Variants in ECD observed in about 807,000 individuals in gnomAD.
The protein encoded by ECD is ecdysoneless cell cycle regulator.
A neutral mutation model predicts 77.2 loss-of-function variants in ECD; 59 were observed. The observed-to-expected ratio is 0.76, with a 90% confidence interval of 0.62 to 0.95. The LOEUF (loss-of-function observed/expected upper bound fraction) is 0.95, where lower values mean the gene tolerates loss of function less well. ECD is among the 40% of genes least tolerant of loss of function. ECD has a pLI of 0.00. For missense variants in ECD, 704 were observed against 763.4 expected (o/e 0.92, Z 0.92); for synonymous variants, 233 against 267.4 (o/e 0.87, Z 1.26).
rs1842948919 is a variant in ECD at position 73,133,832 on chromosome 10, C to T, written c.*751G>A. 1 of 151,908 alleles carries T rather than the reference C, an allele frequency of 6.6e-6. No homozygotes were observed. The highest frequency in any genetic ancestry group is 6.6e-5 in the Admixed American group (1 of 15,236). The allele number at this position is 151,908 out of a possible 1,614,324, so 9.4% of individuals were successfully genotyped here. On this transcript the variant is annotated 3_prime_UTR_variant, in exon 14 of 14. Transcript: ENST00000372979. ...ATTAATTAATTAAAACAATTAAGTA[C>T]AGTATCAGGTATGAAATATCCAAAA...
chr10:73,133,782 A>G lies in ECD; in HGVS notation c.*801T>C, dbSNP rs1842948324. The G allele has an allele frequency of 6.6e-6, 1 of 152,208 alleles. No homozygotes were observed. Among genetic ancestry groups the G allele is most frequent in the South Asian group, 2.1e-4 (1 of 4,832 alleles). 9.4% of individuals were successfully genotyped at this position (152,208 alleles called of 1,614,324 possible). On this transcript the variant is annotated 3_prime_UTR_variant, in exon 14 of 14. Coordinates refer to ENST00000372979, the MANE Select transcript of ECD (RefSeq NM_007265.3). The stretch of plus-strand genomic sequence containing the variant: ...AACATTTCATCTTAGCAAAAGATAT[A>G]TCAGTTATATTAAATATCAAACCAA...
chr10:73,138,180 G>A, intron 11 of ECD, 110 bp from the exon 12 acceptor site: 1 of 767,586 alleles, frequency 1.3e-6, no homozygotes, highest in Non-Finnish European at 1.9e-6. Context: ...AATTTCTAAG[G>A]AGGCACAGCA....
At chr10:73,147,529 G>A (rs889471178) in intron 8 of ECD, among the ~76,000 whole-genome samples, 5 of 150,406 alleles carry the variant, frequency 3.3e-5, no homozygotes, top group African/African-American at 9.8e-5. Flanking sequence ...CAGCCTAGGC[G>A]ACAAGAGCAA....
chr10:73,134,804 A>C lies in ECD; in HGVS notation c.1714T>G (p.Ser572Ala), dbSNP rs765950499. ...FTTRNQVEPVSQTTDNNSDEE... is the reference protein window; with the variant it reads ...FTTRNQVEPVAQTTDNNSDEE... Reference sequence around the variant, plus strand: ...TCTGAATTGTTATCGGTAGTCTGGGATACAGGTTCCTTATTCATAGAGGGA... The same window carrying C: ...TCTGAATTGTTATCGGTAGTCTGGGCTACAGGTTCCTTATTCATAGAGGGA... Residue 572 changes from serine to alanine, a missense_variant, in exon 14 of 14, where the codon TCC becomes GCC. By Grantham distance (99) the Ser-to-Ala change is moderately conservative. Transcript: ENST00000372979. 6.2e-7 allele frequency: 1 copy of C among 1,614,046 alleles called. No individual in the cohort carries two copies. The highest frequency in any genetic ancestry group is 8.5e-7 in the Non-Finnish European group (1 of 1,179,922).
At chr10:73,162,179 C>T (rs1035359691) in intron 2 of ECD, among the ~76,000 whole-genome samples, 39 of 152,182 alleles carry the variant, frequency 2.6e-4, no homozygotes, top group African/African-American at 9.4e-4. Context: ...TAACCAGCAA[C>T]AGTGTTAGGA....
Position 73,134,691 on chromosome 10 carries a change from G to A in ECD, c.1827C>T (p.Ser609=). ...NLVSNILESY[S]SQAGLAGPAS... is the part of the protein sequence containing the mutation. ...CAGGTCCTGCCAGTCCAGCTTGGGA[G>A]CTATAGGATTCCAATATATTTGAAA... Residue 609 remains serine (S), a synonymous_variant, in exon 14 of 14, where the codon AGC becomes AGT. Coordinates refer to ENST00000372979, the MANE Select transcript of ECD (RefSeq NM_007265.3). The A allele has an allele frequency of 6.2e-7, 1 of 1,614,178 alleles. No homozygotes were observed. Among genetic ancestry groups the A allele is most frequent in the Non-Finnish European group, 8.5e-7 (1 of 1,180,016 alleles).
At chr10:73,157,081 G>A (rs1043739148) in intron 3 of ECD, among the ~76,000 whole-genome samples, 2 of 150,828 alleles carry the variant, frequency 1.3e-5, no homozygotes, top group African/African-American at 2.4e-5. Context: ...ACGGAGTCTC[G>A]CTCTGTCACT....
Position 73,156,338 on chromosome 10 carries a change from G to T in ECD, c.527C>A (p.Ala176Glu). 6.2e-7 allele frequency: 1 copy of T among 1,612,658 alleles called. No individual in the cohort carries two copies. Among genetic ancestry groups the T allele is most frequent in the Admixed American group, 1.7e-5 (1 of 59,656 alleles). ...TIPQALNIIT[A>E]HSEKILASES... ...TGAAGCAAGTATTTTTTCTGAATGTGCTGTGATTATATTCAATGCTTGTGG... is the reference window on the plus strand; with the variant it reads ...TGAAGCAAGTATTTTTTCTGAATGTTCTGTGATTATATTCAATGCTTGTGG... The change falls in exon 5 of 14, where the codon GCA becomes GAA. Residue 176 changes from alanine to glutamate, a missense_variant. Physicochemically the swap from Ala to Glu is moderately radical, Grantham distance 107 (BLOSUM62 -1). Around this residue, in one of 3 missense-constraint regions of ECD, gnomAD observed 559 missense variants for 583.7 expected, o/e 0.96. Coordinates refer to ENST00000372979, the MANE Select transcript of ECD (RefSeq NM_007265.3).
In ECD at chr10:73,158,917, T is replaced by G. The variant is rs541514522; in HGVS notation, c.323+1517A>C. On this transcript the variant is annotated intron_variant, in intron 3 of 13. Coordinates refer to ENST00000372979, the MANE Select transcript of ECD (RefSeq NM_007265.3). ...AAATAAATTTAAAACATTTAAAAAT[T>G]TTAAATAAATTTATTTAAAGATAAA... 5.1e-4 allele frequency among the ~76,000 whole-genome samples: 77 copies of G among 151,984 alleles called. No homozygotes were observed. In the South Asian group the frequency reaches 0.011, roughly 23 times the overall value.
rs36152134 is a variant in ECD at position 73,136,906 on chromosome 10, T to C, written c.1502A>G (p.Asn501Ser). Residue 501 changes from asparagine to serine, a missense_variant, in exon 13 of 14, where the codon AAT becomes AGT. By Grantham distance (46) the Asn-to-Ser change is conservative (BLOSUM62 1). Coordinates refer to ENST00000372979, the MANE Select transcript of ECD (RefSeq NM_007265.3). ...ATCCAGATCATCAGAATCTGACTCA[T>C]TAGGCCTTGGCCCTACACAGATCCC... ...YFDKILGPRP[N>S]ESDSDDLDDE... The C allele has an allele frequency of 0.083, 133,428 of 1,612,828 alleles. 8,306 individuals are homozygous for C. Among genetic ancestry groups the C allele is most frequent in the East Asian group, 0.28 (12,685 of 44,838 alleles).
chr10:73,157,955 T>C (rs949917025), intron 3 of ECD, among the ~76,000 whole-genome samples: 5 of 150,920 alleles, frequency 3.3e-5, no homozygotes, highest in African/African-American at 1.2e-4. Context: ...TATTATTTTA[T>C]TTTATTTTAT....
At chr10:73,162,127 T>C (rs1212997615) in intron 2 of ECD, among the ~76,000 whole-genome samples, 1 of 152,236 alleles carries the variant, frequency 6.6e-6, no homozygotes, top group African/African-American at 2.4e-5. Context: ...TGAAGGATAT[T>C]AAGCAGGAGA....
chr10:73,163,693 T>C (rs1483129535), intron 2 of ECD, 40 bp downstream of exon 2: 1 of 1,592,504 alleles, frequency 6.3e-7, no homozygotes, highest in Admixed American at 1.7e-5. Flanking sequence ...CAGGATAACA[T>C]TAAAAGTCAC....
intron 1 of ECD, among the ~76,000 whole-genome samples, chr10:73,167,288 T>G (rs1843492350): frequency 6.6e-6 from 1 of 152,210 alleles, no homozygotes. Flanking sequence ...CTGGCTCTTT[T>G]GTGGTTCCAT....
At chr10:73,152,185 T>C (rs2133262500) in intron 7 of ECD, 108 bp downstream of exon 7, 1 of 1,336,472 alleles carries the variant, frequency 7.5e-7, no homozygotes, top group Admixed American at 2.2e-5. Flanking sequence ...TTTTACTGCA[T>C]TCTTACATAA....
At position 73,138,053 on chromosome 10, in the gene ECD, G is replaced by T; in HGVS notation, c.1439C>A (p.Pro480Gln). The T allele has an allele frequency of 6.3e-7, 1 of 1,597,904 alleles. No individual in the cohort carries two copies. The highest frequency in any genetic ancestry group is 8.5e-7 in the Non-Finnish European group (1 of 1,174,366). ...AAAAGAATCTGCATCAAAAGTGATT[G>T]GAGCCTCAGAAGGTTCTCTGCAATA... ...AELPREPSEA[P>Q]ITFDADSFLN... The change falls in exon 12 of 14, where the codon CCA becomes CAA. Residue 480 changes from proline (P) to glutamine (Q), a missense_variant. Physicochemically the swap from Pro to Gln is moderately conservative, Grantham distance 76 (BLOSUM62 -1). This residue lies in a region of ECD where 559 missense variants were observed against 583.7 expected (regional missense o/e 0.96). Transcript: ENST00000372979.
rs149874709 is a variant in ECD at position 73,136,711 on chromosome 10, T to C, written c.1697A>G (p.Asn566Ser). 5 of 1,613,376 alleles carry C rather than the reference T, an allele frequency of 3.1e-6. No homozygotes were observed. Among genetic ancestry groups the C allele is most frequent in the African/African-American group, 2.7e-5 (2 of 74,908 alleles). ...GGTTAAAAACACACATACCACTTGGTTCCTAGTGGTGAAACTTTTGCTGAT... is the reference window on the plus strand; with the variant it reads ...GGTTAAAAACACACATACCACTTGGCTCCTAGTGGTGAAACTTTTGCTGAT... The part of the protein sequence containing the change: ...TCISKSFTTR[N>S]QVEPVSQTTD... Residue 566 changes from asparagine (N) to serine (S), a missense_variant, in exon 13 of 14, where the codon AAC (asparagine) becomes AGC (serine). Transcript: ENST00000372979.
intron 9 of ECD, among the ~76,000 whole-genome samples, chr10:73,144,383 G>A (rs527775456): frequency 1.3e-5 from 2 of 152,246 alleles, no homozygotes; most frequent in South Asian, 4.1e-4. Flanking sequence ...CCAGAACTTT[G>A]AGAAGCCAAG....
Position 73,146,363 on chromosome 10 carries a change from T to C in ECD, c.1042-2A>G. The C allele has an allele frequency of 6.4e-7, 1 of 1,574,144 alleles. No homozygotes were observed. Among genetic ancestry groups the C allele is most frequent in the Non-Finnish European group, 8.6e-7 (1 of 1,162,570 alleles). On this transcript the variant is annotated splice_acceptor_variant, in intron 8 of 13. Transcript: ENST00000372979. LOFTEE classifies it high-confidence loss of function. ...CTGAGCAGAACCTTCTATCAGTCCC[T>C]TAAAAAAAAAAAAAGGTCTATCAGA...
Sources: gnomAD v4.1 joint callset for allele counts (sites outside exome capture counted in the v4.1 genomes callset) on GRCh38, gnomAD v4.1.1 for gene constraint, gnomAD v4.1.1 regional missense constraint, MANE v1.5 for transcripts, NCBI Gene and HGNC (gene_info 2026-07-23, HGNC 2026-07-21) for gene names.